CEP112: variants seen among roughly 807,000 people sequenced by gnomAD.
CEP112 encodes the protein centrosomal protein of 112 kDa.
Under a neutral mutation model 153.0 loss-of-function variants are expected in CEP112, and 127 were observed. The ratio of observed to expected loss-of-function variants is 0.83; its 90% CI spans 0.72 to 0.96. CEP112 has a LOEUF of 0.96. Among genes scored for constraint, CEP112 ranks in the 40% least tolerant of loss-of-function variants. The pLI is 0.00. For synonymous variants in CEP112, 358 were observed against 374.4 expected, an observed-to-expected ratio of 0.96 and a Z score of 0.51; for missense variants, 1,089 against 1,101.2, an observed-to-expected ratio of 0.99 and a Z score of 0.16.
rs190843798 is a variant in CEP112, at chr17:65,854,257, A to G, written c.2164-2223T>C. 3.9e-3 allele frequency among the ~76,000 whole-genome samples: 587 copies of G among 152,354 alleles called. 1 individual carries two copies. The highest frequency in any genetic ancestry group is 7.0e-3 in the South Asian group (34 of 4,830). On this transcript the variant is annotated intron_variant, in intron 20 of 26. Transcript: ENST00000535342. ...AATAAGAATACAAAGCTAAATGATG[A>G]GAAGTTGCTTTGGTCAAAATATCTA...
intron 4 of CEP112, among the ~76,000 whole-genome samples, chr17:66,136,508 C>T (rs2070442537): frequency 6.6e-6 from 1 of 151,700 alleles, no homozygotes; most frequent in African/African-American, 2.4e-5. Flanking sequence ...AACTCATGGT[C>T]CACAGCTTCT....
chr17:65,811,369 G>A (rs931922215), intron 21 of CEP112, among the ~76,000 whole-genome samples: 1 of 152,162 alleles, frequency 6.6e-6, no homozygotes, highest in Non-Finnish European at 1.5e-5. Context: ...AGTCCCACAG[G>A]GCAAAAAACT....
At chr17:65,934,058 G>A (rs1454636355) in intron 18 of CEP112, among the ~76,000 whole-genome samples, 2 of 152,132 alleles carry the variant, frequency 1.3e-5, no homozygotes, top group Non-Finnish European at 2.9e-5. Flanking sequence ...GCACAGTTGT[G>A]TGTGCCTGTA....
At chr17:65,876,435 T>C (rs2146547117) in intron 20 of CEP112, among the ~76,000 whole-genome samples, 1 of 152,350 alleles carries the variant, frequency 6.6e-6, no homozygotes, top group South Asian at 2.1e-4. Flanking sequence ...TGAAATCTGA[T>C]GCCAATCTAT....
intron 24 of CEP112, among the ~76,000 whole-genome samples, chr17:65,676,145 T>C (rs2047224234): frequency 6.6e-6 from 1 of 152,126 alleles, no homozygotes. Flanking sequence ...GAGACCAGTG[T>C]GGCCAACATG....
intron 2 of CEP112, 101 bp downstream of exon 2, chr17:66,183,093 G>A: frequency 1.3e-6 from 1 of 781,558 alleles, no homozygotes; most frequent in Non-Finnish European, 2.0e-6. Flanking sequence ...TGTTACTAGA[G>A]AAATTCAGTT....
At chr17:65,888,274 C>A (rs2143053123) in intron 20 of CEP112, among the ~76,000 whole-genome samples, 1 of 152,334 alleles carries the variant, frequency 6.6e-6, no homozygotes, top group South Asian at 2.1e-4. Flanking sequence ...CCGTTTCCTT[C>A]AGGCAATCAG....
chr17:66,166,837 G>A (rs2071981376), intron 4 of CEP112, among the ~76,000 whole-genome samples: 1 of 149,538 alleles, frequency 6.7e-6, no homozygotes, highest in Non-Finnish European at 1.5e-5. Context: ...CCGGGAGGCA[G>A]AGGTTGCAGT....
chr17:65,925,107 A>T (rs73346880), intron 19 of CEP112, among the ~76,000 whole-genome samples: 1,851 of 152,296 alleles, frequency 0.012, 42 homozygotes, highest in African/African-American at 0.042. Flanking sequence ...GGGCGGGACC[A>T]GGTGGAGATA....
At chr17:66,025,349 G>T (rs563586295) in intron 16 of CEP112, among the ~76,000 whole-genome samples, 1 of 152,086 alleles carries the variant, frequency 6.6e-6, no homozygotes, top group African/African-American at 2.4e-5. Flanking sequence ...ACAACCGTAA[G>T]AATAGGAGAA....
At chr17:65,905,918 C>CT (rs2060059185) in intron 19 of CEP112, among the ~76,000 whole-genome samples, 1 of 151,664 alleles carries the variant, frequency 6.6e-6, no homozygotes, top group African/African-American at 2.4e-5. Context: ...GCACTCCAGC[C>CT]TGGGCAACAG....
chr17:65,666,281 A>T (rs1270376208), intron 24 of CEP112, among the ~76,000 whole-genome samples: 1 of 152,242 alleles, frequency 6.6e-6, no homozygotes, highest in African/African-American at 2.4e-5. Context: ...CATGCTATTT[A>T]ACCTCAATGG....
At chr17:65,957,260 A>G (rs908749523) in intron 18 of CEP112, among the ~76,000 whole-genome samples, 5 of 152,256 alleles carry the variant, frequency 3.3e-5, no homozygotes, top group African/African-American at 1.2e-4. Context: ...ACGCTAAAAA[A>G]GAAAAAGTCA....
intron 20 of CEP112, among the ~76,000 whole-genome samples, 164 bp downstream of exon 20, chr17:65,901,988 G>GC: frequency 2.3e-5 from 1 of 43,506 alleles, no homozygotes; most frequent in Middle Eastern, 8.9e-3. Flanking sequence ...CAAAACGGGG[G>GC]GGGGGGGGGG....
At chr17:66,060,487 G>C (rs1290395799) in intron 11 of CEP112, among the ~76,000 whole-genome samples, 1 of 152,054 alleles carries the variant, frequency 6.6e-6, no homozygotes, top group Non-Finnish European at 1.5e-5. Flanking sequence ...AGGCATCACA[G>C]TAACTGACAT....
intron 21 of CEP112, among the ~76,000 whole-genome samples, chr17:65,808,320 G>A (rs1362150192): frequency 6.6e-6 from 1 of 152,166 alleles, no homozygotes; most frequent in Admixed American, 6.5e-5. Flanking sequence ...CTCATAGGTG[G>A]AAGGGACTTG....
intron 21 of CEP112, among the ~76,000 whole-genome samples, chr17:65,788,918 C>T (rs182503770): frequency 5.9e-5 from 9 of 152,336 alleles, no homozygotes; most frequent in Admixed American, 5.9e-4. Flanking sequence ...ACCTCTCTGA[C>T]AATTGCTTAT....
Position 65,635,933 on chromosome 17 carries a change from C to G in CEP112, c.*38G>C, listed in dbSNP as rs779064228. ...AACCTGCTGGAAGAAGTCCACAGCACAGCCTGGAAATTGCATCCGTTGCAT... is the reference window on the plus strand; with the variant it reads ...AACCTGCTGGAAGAAGTCCACAGCAGAGCCTGGAAATTGCATCCGTTGCAT... On this transcript the variant is annotated 3_prime_UTR_variant, in exon 27 of 27. Coordinates refer to ENST00000535342, the MANE Select transcript of CEP112 (RefSeq NM_001199165.4). The G allele has an allele frequency of 6.3e-7, 1 of 1,593,174 alleles. No individual in the cohort carries two copies. The highest frequency in any genetic ancestry group is 1.3e-5 in the African/African-American group (1 of 74,908).
intron 1 of CEP112, among the ~76,000 whole-genome samples, chr17:66,188,519 T>C (rs2073036381): frequency 6.7e-6 from 1 of 148,302 alleles, no homozygotes; most frequent in Non-Finnish European, 1.5e-5. Flanking sequence ...CCCCTTGCCC[T>C]AGACTGGCTG....
Sources: gnomAD v4.1 joint callset for allele counts (sites outside exome capture counted in the v4.1 genomes callset) on GRCh38, gnomAD v4.1.1 for gene constraint, MANE v1.5 for transcripts, NCBI Gene and HGNC (gene_info 2026-07-23, HGNC 2026-07-21) for gene names.